The following CHN2 variants were observed in gnomAD, a reference collection of about 807,000 sequenced individuals.
CHN2 encodes the protein chimerin 2.
CHN2 carries 35 observed loss-of-function variants against 56.3 expected under a neutral mutation model. That is an observed-to-expected ratio of 0.62 (90% CI 0.47 to 0.82). The LOEUF (loss-of-function observed/expected upper bound fraction) is 0.82, where lower values mean the gene tolerates loss of function less well. Among genes scored for constraint, CHN2 ranks in the 40% least tolerant of loss-of-function variants. CHN2 has a pLI of 0.00. For synonymous variants in CHN2, 210 were observed against 212.8 expected (o/e 0.99, Z 0.12); for missense variants, 491 against 580.5 (o/e 0.85, Z 1.58).
chr7:29,370,880 A>C (rs1444986283), intron 3 of CHN2, among the ~76,000 whole-genome samples: 1 of 152,172 alleles, frequency 6.6e-6, no homozygotes, highest in East Asian at 1.9e-4. Flanking sequence ...CCACATACTT[A>C]GCAAATCCAG....
intron 1 of CHN2, among the ~76,000 whole-genome samples, chr7:29,279,003 C>G (rs965699240): frequency 4.6e-5 from 7 of 152,140 alleles, no homozygotes; most frequent in South Asian, 2.1e-4. Context: ...CTGTCCCCCC[C>G]CAACCCCCAC....
chr7:29,150,065 G>T (rs1168488949), intron 2 of CHN2, among the ~76,000 whole-genome samples: 1 of 152,182 alleles, frequency 6.6e-6, no homozygotes, highest in Non-Finnish European at 1.5e-5. Flanking sequence ...AGCCTTCTTT[G>T]ATTGGCTTTC....
intron 6 of CHN2, among the ~76,000 whole-genome samples, chr7:29,420,359 T>G (rs1319345756): frequency 2.0e-5 from 3 of 152,088 alleles, no homozygotes; most frequent in African/African-American, 7.2e-5. Context: ...AGCCAAGAGG[T>G]AGAAGCAACT....
intron 3 of CHN2, among the ~76,000 whole-genome samples, chr7:29,386,881 G>C (rs550974521): frequency 1.3e-5 from 2 of 152,292 alleles, no homozygotes; most frequent in Non-Finnish European, 2.9e-5. Context: ...TTAAGGTCTC[G>C]AGTCCTAGCA....
intron 6 of CHN2, among the ~76,000 whole-genome samples, chr7:29,406,100 C>T (rs1802629443): frequency 6.6e-6 from 1 of 152,218 alleles, no homozygotes; most frequent in South Asian, 2.1e-4. Flanking sequence ...TGCTGTAATT[C>T]TGCAACAGCT....
chr7:29,176,265 C>A, intron 2 of CHN2, among the ~76,000 whole-genome samples: 1 of 151,096 alleles, frequency 6.6e-6, no homozygotes, highest in African/African-American at 2.4e-5. Context: ...GAAGAGAAGT[C>A]AAGAAGGCCA....
At chr7:29,296,084 A>AT (rs11367150) in intron 1 of CHN2, among the ~76,000 whole-genome samples, 154 of 145,416 alleles carry the variant, frequency 1.1e-3, no homozygotes, top group South Asian at 9.1e-3. Flanking sequence ...TGTAATCACC[A>AT]TTTTTTTTTT....
chr7:29,268,297 C>CACACACACACAT (rs1790317450), intron 1 of CHN2, among the ~76,000 whole-genome samples: 1 of 148,334 alleles, frequency 6.7e-6, no homozygotes, highest in East Asian at 2.0e-4. Context: ...CACACACACA[C>CACACACACACAT]ACACACACAC....
At chr7:29,311,324 G>A (rs1311162669) in intron 1 of CHN2, among the ~76,000 whole-genome samples, 1 of 152,110 alleles carries the variant, frequency 6.6e-6, no homozygotes, top group Admixed American at 6.5e-5. Flanking sequence ...GTCTTTCCTG[G>A]CAGTCCCCAC....
At chr7:29,274,669 GT>G (rs11312839) in intron 1 of CHN2, among the ~76,000 whole-genome samples, 117,885 of 152,136 alleles carry the variant, frequency 0.77, 46,707 homozygotes, top group East Asian at 1. Context: ...CAGCCAGTGA[GT>G]TCTGCGGCCA....
At position 29,337,494 on chromosome 7, in the gene CHN2, A is replaced by C. The variant is rs74496853; in HGVS notation, c.50-17131A>C. ...ACAGCAGAGTGCGGAGAGGGGGTCT[A>C]TTCTTCTCACTCTGTTATGTAATGT... On this transcript the variant is annotated intron_variant, in intron 1 of 12. Coordinates refer to ENST00000222792, the MANE Select transcript of CHN2 (RefSeq NM_004067.4). 3.7e-3 allele frequency among the ~76,000 whole-genome samples: 566 copies of C among 152,232 alleles called. 2 individuals carry two copies. Among genetic ancestry groups the C allele is most frequent in the African/African-American group, 0.013 (528 of 41,548 alleles).
chr7:29,354,265 CTG>C (rs74373932), intron 1 of CHN2, among the ~76,000 whole-genome samples: 8 of 152,214 alleles, frequency 5.3e-5, no homozygotes, highest in East Asian at 1.9e-4. Flanking sequence ...TGATTGGAAA[CTG>C]TGAGATGAAT....
chr7:29,486,660 T>C (rs1224935019), intron 7 of CHN2, among the ~76,000 whole-genome samples: 1 of 152,128 alleles, frequency 6.6e-6, no homozygotes, highest in Non-Finnish European at 1.5e-5. Flanking sequence ...TCCCCCACTC[T>C]GCTGACAGAC....
At chr7:29,486,844 C>A (rs1312847681) in intron 7 of CHN2, among the ~76,000 whole-genome samples, 1 of 152,186 alleles carries the variant, frequency 6.6e-6, no homozygotes, top group Non-Finnish European at 1.5e-5. Context: ...CTGTCCAGGA[C>A]GTGGCAGCAC....
At chr7:29,431,687 G>T (rs1028845652) in intron 6 of CHN2, among the ~76,000 whole-genome samples, 1 of 152,294 alleles carries the variant, frequency 6.6e-6, no homozygotes. Flanking sequence ...TGGGGCAGGG[G>T]TAGTCATGAT....
chr7:29,210,561 G>A (rs1043379220), intron 1 of CHN2, among the ~76,000 whole-genome samples: 1 of 152,010 alleles, frequency 6.6e-6, no homozygotes, highest in South Asian at 2.1e-4. Flanking sequence ...TCTAAATACA[G>A]ACAGACAATA....
rs567160820 is a variant in CHN2, at chr7:29,305,928, T to C, written c.50-48697T>C. 8.0e-5 allele frequency among the ~76,000 whole-genome samples: 11 copies of C among 137,640 alleles called. No individual in the cohort carries two copies. The South Asian group carries it at 2.6e-3, about 32-fold the overall frequency. 90.3% of individuals were successfully genotyped at this position (137,640 alleles called of 152,430 possible). A position where few individuals can be genotyped will look rare whatever the true frequency, so the allele number is the denominator to read the frequency against. On this transcript the variant is annotated intron_variant, in intron 1 of 12. Coordinates refer to ENST00000222792, the MANE Select transcript of CHN2 (RefSeq NM_004067.4). The stretch of plus-strand genomic sequence containing the variant: ...TCCCCATCCAAACTTAGACACATGC[T>C]TACTTGAATCTTTATTACTATATTA...
chr7:29,340,408 G>A (rs559574562), intron 1 of CHN2, among the ~76,000 whole-genome samples: 1 of 150,678 alleles, frequency 6.6e-6, no homozygotes, highest in East Asian at 2.0e-4. Context: ...TTGGGGGGGG[G>A]CCTCAATATT....
intron 1 of CHN2, among the ~76,000 whole-genome samples, chr7:29,269,072 A>T (rs1008628215): frequency 4.6e-5 from 7 of 152,204 alleles, no homozygotes; most frequent in African/African-American, 1.4e-4. Context: ...GAATATTTCA[A>T]TTCCACTCTT....
Sources: gnomAD v4.1 joint callset for allele counts (sites outside exome capture counted in the v4.1 genomes callset) on GRCh38, gnomAD v4.1.1 for gene constraint, MANE v1.5 for transcripts, NCBI Gene and HGNC (gene_info 2026-07-23, HGNC 2026-07-21) for gene names.